Variants in HTRA4 observed in about 807,000 individuals in gnomAD.
The protein encoded by HTRA4 is HtrA serine peptidase 4.
In HTRA4, 46 loss-of-function variants were observed where a neutral mutation model predicts 49.1. The ratio of observed to expected loss-of-function variants is 0.94; its 90% CI spans 0.74 to 1.20. The LOEUF (loss-of-function observed/expected upper bound fraction) is 1.20, where lower values mean the gene tolerates loss of function less well. Among genes scored for constraint, HTRA4 ranks in the 50% most tolerant of loss-of-function variants. The pLI is 0.00. For missense variants in HTRA4, 602 were observed against 636.9 expected (o/e 0.95, Z 0.59); for synonymous variants, 261 against 264.0 (o/e 0.99, Z 0.11).
rs771671592 is a variant in HTRA4, at chr8:38,975,105, G to C, written c.541G>C (p.Val181Leu). Residue 181 changes from valine to leucine, a missense_variant, in exon 2 of 9, where the codon GTG becomes CTG. Transcript: ENST00000302495. The part of the protein sequence containing the change: ...AAVVEKVAPS[V>L]VHVQLWGRLL... ...GGTGGTGGAGAAGGTGGCGCCATCG[G>C]TGGTTCACGTGCAGCTGTGGGGCAG... 1 of 1,613,734 alleles carries C rather than the reference G, an allele frequency of 6.2e-7. No homozygotes were observed. Among genetic ancestry groups the C allele is most frequent in the African/African-American group, 1.3e-5 (1 of 74,932 alleles).
chr8:38,980,300 GC>G (rs1835402640), intron 5 of HTRA4, among the ~76,000 whole-genome samples: 1 of 150,292 alleles, frequency 6.7e-6, no homozygotes, highest in Admixed American at 6.6e-5. Flanking sequence ...TCATAGCATT[GC>G]ATGTCATTTT....
intron 8 of HTRA4, among the ~76,000 whole-genome samples, chr8:38,987,195 T>A (rs923218174): frequency 6.6e-6 from 1 of 152,218 alleles, no homozygotes; most frequent in Non-Finnish European, 1.5e-5. Flanking sequence ...CTGGAGTCAT[T>A]TGCTGTTCCT....
chr8:38,974,989 G>A (rs374210701), intron 1 of HTRA4, 42 bp from the exon 2 acceptor site: 48 of 1,604,420 alleles, frequency 3.0e-5, no homozygotes, highest in Non-Finnish European at 3.9e-5. Flanking sequence ...TAGCAGGTCT[G>A]GTTCCCTCGA....
chr8:38,984,192 G>A (rs1347080279), intron 8 of HTRA4, among the ~76,000 whole-genome samples: 3 of 151,680 alleles, frequency 2.0e-5, no homozygotes, highest in Admixed American at 1.3e-4. Flanking sequence ...GTAGAGACAG[G>A]GTTTCACCAT....
At chr8:38,981,070 T>G (rs1337139977) in intron 5 of HTRA4, among the ~76,000 whole-genome samples, 1 of 94,950 alleles carries the variant, frequency 1.1e-5, no homozygotes, top group Non-Finnish European at 1.9e-5. Context: ...TAAGTTTTTT[T>G]TTTTTTTTTT....
Position 38,975,067 on chromosome 8 carries a change from AC to A in HTRA4, c.504del (p.Phe169SerfsTer38). On this transcript the variant is annotated frameshift_variant, in exon 2 of 9. Transcript: ENST00000302495. LOFTEE classifies it high-confidence loss of function. ...RSAGPLRRNY[N>X]FIAAVVEKVA... is the part of the protein sequence containing the mutation. ...GCAGGCCCGCTCAGGAGGAATTACA[AC>A]TTCATCGCCGCGGTGGTGGAGAAGG... 6.2e-7 allele frequency: 1 copy of A among 1,614,022 alleles called. No individual in the cohort carries two copies. Among genetic ancestry groups the A allele is most frequent in the Non-Finnish European group, 8.5e-7 (1 of 1,180,030 alleles).
At chr8:38,975,173 T>G in intron 2 of HTRA4, 43 bp downstream of exon 2, 1 of 1,585,064 alleles carries the variant, frequency 6.3e-7, no homozygotes, top group Non-Finnish European at 8.6e-7. Context: ...CAGCTAATGG[T>G]TTCTGCGTGC....
intron 8 of HTRA4, among the ~76,000 whole-genome samples, chr8:38,985,831 T>C (rs1835477112): frequency 6.6e-6 from 1 of 152,232 alleles, no homozygotes; most frequent in African/African-American, 2.4e-5. Context: ...GGAATCTGTG[T>C]GTTTAACAAG....
At chr8:38,982,130 G>A (rs1415752699) in intron 6 of HTRA4, among the ~76,000 whole-genome samples, 1 of 152,168 alleles carries the variant, frequency 6.6e-6, no homozygotes, top group East Asian at 1.9e-4. Flanking sequence ...TTACAGGCAT[G>A]AACCACCATG....
In HTRA4 at chr8:38,974,672, C is replaced by A. The variant is rs544853849; in HGVS notation, c.409C>A (p.Arg137Ser). ...GCTCCGGGCCGAAAACCGCGCCGCG[C>A]GCCGCCTGGGCAAGGTCCCGGCCGT... ...CALRAENRAA[R>S]RLGKVPAVPV... is the part of the protein sequence containing the mutation. Residue 137 changes from arginine (R) to serine (S), a missense_variant, in exon 1 of 9, where the codon CGC becomes AGC. Coordinates refer to ENST00000302495, the MANE Select transcript of HTRA4 (RefSeq NM_153692.4). 31 of 1,401,066 alleles carry A rather than the reference C, an allele frequency of 2.2e-5. No individual in the cohort carries two copies. Among genetic ancestry groups the A allele is most frequent in the Non-Finnish European group, 2.8e-5 (30 of 1,087,466 alleles). The allele number at this position is 1,401,066 out of a possible 1,614,324, so 86.8% of individuals were successfully genotyped here.
chr8:38,976,102 A>G (rs1835347981), intron 2 of HTRA4, among the ~76,000 whole-genome samples: 1 of 152,182 alleles, frequency 6.6e-6, no homozygotes, highest in African/African-American at 2.4e-5. Context: ...GCCAGGGAAA[A>G]GTGAAATGTC....
intron 8 of HTRA4, among the ~76,000 whole-genome samples, chr8:38,986,561 C>T (rs1024899863): frequency 1.3e-5 from 2 of 152,204 alleles, no homozygotes; most frequent in Non-Finnish European, 2.9e-5. Flanking sequence ...AGCCACTGCT[C>T]CTGGCCTATT....
chr8:38,982,440 T>A, intron 6 of HTRA4, 58 bp from the exon 7 acceptor site: 3 of 1,467,364 alleles, frequency 2.0e-6, no homozygotes, highest in Non-Finnish European at 2.9e-6. Flanking sequence ...GGGTGTCTTT[T>A]AAGCTGCGCT....
In HTRA4 at chr8:38,982,981, C is replaced by T; in HGVS notation, c.1201C>T (p.Pro401Ser). ...PLSEELKMHY[P>S]DFPDVSSGVY... is the part of the protein sequence containing the mutation. ...TAGTGAAGAATTGAAAATGCATTAT[C>T]CAGATTTCCCTGATGTGAGTTCTGG... The change falls in exon 8 of 9, where the codon CCA becomes TCA. Residue 401 changes from proline to serine, a missense_variant. Transcript: ENST00000302495. 6.2e-7 allele frequency: 1 copy of T among 1,613,406 alleles called. No individual in the cohort carries two copies. The highest frequency in any genetic ancestry group is 8.5e-7 in the Non-Finnish European group (1 of 1,179,438).
chr8:38,987,816 G>A (rs997066751), intron 8 of HTRA4, 120 bp from the exon 9 acceptor site: 18 of 829,898 alleles, frequency 2.2e-5, no homozygotes, highest in African/African-American at 1.1e-4. Context: ...CTATTTTCTC[G>A]TTTGTATGCT....
At position 38,982,555 on chromosome 8, in the gene HTRA4, C is replaced by T. The variant is rs770040324; in HGVS notation, c.1172C>T (p.Pro391Leu). ...LGLQMLSLTV[P>L]LSEELKMHYP... ...CTGCAAATGCTGTCCCTCACTGTGC[C>T]GTAAGCATGTGTTTGAATATGTCTG... The change falls in exon 7 of 9, where the codon CCC becomes CTC. Residue 391 changes from proline to leucine, a missense_variant and splice_region_variant. By Grantham distance (98) the Pro-to-Leu change is moderately conservative (BLOSUM62 -3). Coordinates refer to ENST00000302495, the MANE Select transcript of HTRA4 (RefSeq NM_153692.4). The T allele has an allele frequency of 2.3e-5, 37 of 1,613,838 alleles. No individual in the cohort carries two copies. Among genetic ancestry groups the T allele is most frequent in the East Asian group, 1.6e-4 (7 of 44,892 alleles).
intron 1 of HTRA4, 135 bp downstream of exon 1, chr8:38,974,864 T>A: frequency 8.5e-7 from 1 of 1,178,958 alleles, no homozygotes; most frequent in Non-Finnish European, 1.2e-6. Flanking sequence ...GACACCTCTG[T>A]GTTCCTGATT....
chr8:38,975,103 C>G lies in HTRA4; in HGVS notation c.539C>G (p.Ser180Trp). The change falls in exon 2 of 9, where the codon TCG (serine) becomes TGG (tryptophan). Residue 180 changes from serine (S) to tryptophan (W), a missense_variant. Ser to Trp is a radical substitution (Grantham distance 177). Coordinates refer to ENST00000302495, the MANE Select transcript of HTRA4 (RefSeq NM_153692.4). Reference sequence around the variant, plus strand: ...GCGGTGGTGGAGAAGGTGGCGCCATCGGTGGTTCACGTGCAGCTGTGGGGC... The same window carrying G: ...GCGGTGGTGGAGAAGGTGGCGCCATGGGTGGTTCACGTGCAGCTGTGGGGC... ...IAAVVEKVAP[S>W]VVHVQLWGRL... is the part of the protein sequence containing the mutation. 1.2e-6 allele frequency: 2 copies of G among 1,613,808 alleles called. No homozygotes were observed. The highest frequency in any genetic ancestry group is 1.7e-6 in the Non-Finnish European group (2 of 1,179,988).
intron 2 of HTRA4, among the ~76,000 whole-genome samples, chr8:38,975,332 C>G (rs1261674786): frequency 2.6e-5 from 4 of 152,250 alleles, no homozygotes; most frequent in African/African-American, 4.8e-5. Context: ...CCAGCTCCCC[C>G]TGCCCACTTA....
Sources: allele counts gnomAD v4.1 joint callset (sites outside exome capture counted in the v4.1 genomes callset), GRCh38; gene constraint gnomAD v4.1.1; transcripts MANE v1.5; gene names NCBI Gene and HGNC (gene_info 2026-07-23, HGNC 2026-07-21).